The following C12orf42 variants were observed in gnomAD, a reference collection of about 807,000 sequenced individuals.
C12orf42 encodes the protein chromosome 12 open reading frame 42, also known as uncharacterized protein C12orf42.
C12orf42 carries 25 observed loss-of-function variants against 21.6 expected under a neutral mutation model. The observed-to-expected ratio is 1.16, with a 90% CI of 0.84 to 1.62. The LOEUF is 1.62. Ranked by LOEUF, C12orf42 falls within the 40% of genes most tolerant of loss-of-function variation. The probability of loss-of-function intolerance (pLI) is 0.00; values close to 1 mark genes in which losing one functional copy is unlikely to be tolerated. For missense variants in C12orf42, 483 were observed against 459.3 expected (o/e 1.05, Z -0.47); for synonymous variants, 174 against 175.0 (o/e 0.99, Z 0.05).
chr12:103,404,439 T>A (rs1287860928), intron 2 of C12orf42, among the ~76,000 whole-genome samples: 1 of 152,256 alleles, frequency 6.6e-6, no homozygotes, highest in Non-Finnish European at 1.5e-5. Context: ...GCATTAGGCA[T>A]TCATTAACAA....
intron 2 of C12orf42, among the ~76,000 whole-genome samples, chr12:103,414,402 T>C (rs1410698512): frequency 6.6e-6 from 1 of 152,168 alleles, no homozygotes; most frequent in Admixed American, 6.5e-5. Context: ...CCCAGATGCA[T>C]AGAATCATTT....
chr12:103,468,632 G>T (rs1479776420), intron 2 of C12orf42, among the ~76,000 whole-genome samples: 2 of 151,688 alleles, frequency 1.3e-5, no homozygotes, highest in Non-Finnish European at 2.9e-5. Context: ...AGCGACTTTA[G>T]AATTCTCTCC....
intron 1 of C12orf42, 136 bp from the exon 2 acceptor site, chr12:103,478,583 ATTTTT>A (rs3065865): frequency 2.0e-3 from 564 of 279,538 alleles, no homozygotes; most frequent in South Asian, 3.7e-3. Context: ...ACTTTCAATA[ATTTTT>A]TTTTTTTTTT....
At chr12:103,083,657 T>C in the C12orf42 span, among the ~76,000 whole-genome samples, 1,610 of 152,342 alleles carry the variant, frequency 0.011, 14 homozygotes, top group Non-Finnish European at 0.018. Context: ...GGTAGTTTCA[T>C]ATAAAAAACT....
intron 2 of C12orf42, among the ~76,000 whole-genome samples, chr12:103,422,409 G>A (rs1485990093): frequency 2.0e-5 from 3 of 152,200 alleles, no homozygotes; most frequent in Non-Finnish European, 4.4e-5. Context: ...ACTCTGGCCT[G>A]TGAGTTGAGA....
chr12:103,067,608 C>T, the C12orf42 span, among the ~76,000 whole-genome samples: 6 of 152,280 alleles, frequency 3.9e-5, no homozygotes, highest in Admixed American at 1.3e-4. Context: ...GCACCACTCA[C>T]CATCATCCCT....
the C12orf42 span, among the ~76,000 whole-genome samples, chr12:103,049,789 C>A: frequency 6.6e-6 from 1 of 152,164 alleles, no homozygotes; most frequent in East Asian, 1.9e-4. Flanking sequence ...GAATGCCTTT[C>A]CCCTAGGTAA....
intron 2 of C12orf42, 34 bp downstream of exon 2, chr12:103,478,315 A>C (rs763417097): frequency 4.8e-6 from 7 of 1,452,612 alleles, no homozygotes; most frequent in African/African-American, 2.8e-5. Flanking sequence ...TAACCTAAAA[A>C]AAGTAAGAAA....
the C12orf42 span, among the ~76,000 whole-genome samples, chr12:103,517,981 G>A: frequency 6.6e-6 from 1 of 152,042 alleles, no homozygotes; most frequent in Non-Finnish European, 1.5e-5. Context: ...TTAACATCAT[G>A]AATCAGAAAG....
At chr12:103,513,001 CAA>C in the C12orf42 span, among the ~76,000 whole-genome samples, 50 of 123,818 alleles carry the variant, frequency 4.0e-4, no homozygotes, top group African/African-American at 6.4e-4. Flanking sequence ...GACTCCATAT[CAA>C]AAAAAAAAAA....
At chr12:103,158,090 C>A in the C12orf42 span, among the ~76,000 whole-genome samples, 2 of 152,032 alleles carry the variant, frequency 1.3e-5, no homozygotes, top group African/African-American at 4.8e-5. Context: ...GGTAAGAATG[C>A]CAATCATAAA....
At chr12:103,451,009 A>G (rs912131018) in intron 2 of C12orf42, among the ~76,000 whole-genome samples, 1 of 152,048 alleles carries the variant, frequency 6.6e-6, no homozygotes, top group Admixed American at 6.6e-5. Context: ...TTATACGCAC[A>G]GTTGTTTTCA....
At chr12:103,534,791 C>T in the C12orf42 span, among the ~76,000 whole-genome samples, 5 of 152,084 alleles carry the variant, frequency 3.3e-5, no homozygotes, top group Admixed American at 6.5e-5. Context: ...GTTTGTATAG[C>T]CAACAGCCTG....
At chr12:103,082,974 G>C in the C12orf42 span, among the ~76,000 whole-genome samples, 1 of 152,200 alleles carries the variant, frequency 6.6e-6, no homozygotes, top group Non-Finnish European at 1.5e-5. Context: ...GGAGTTTCAG[G>C]AAGAGCTTTA....
At chr12:103,499,628 A>G (rs1006686086), upstream of C12orf42, among the ~76,000 whole-genome samples, 3 of 152,236 alleles carry the variant, frequency 2.0e-5, no homozygotes, top group African/African-American at 7.2e-5. Context: ...TTTCAACAGC[A>G]GCACACTTGT....
intron 2 of C12orf42, among the ~76,000 whole-genome samples, chr12:103,442,135 C>T (rs1201078712): frequency 6.6e-6 from 1 of 152,036 alleles, no homozygotes. Context: ...CAGAGAAAGG[C>T]TCCATCTCAA....
chr12:103,493,596 A>G (rs1240375203), intron 1 of C12orf42, among the ~76,000 whole-genome samples: 1 of 151,420 alleles, frequency 6.6e-6, no homozygotes, highest in East Asian at 1.9e-4. Context: ...ACCAAAGGGA[A>G]CCTCCCTCAA....
the C12orf42 span, among the ~76,000 whole-genome samples, chr12:103,096,314 C>A: frequency 6.6e-6 from 1 of 151,758 alleles, no homozygotes; most frequent in Non-Finnish European, 1.5e-5. Flanking sequence ...AATTTTTTTT[C>A]AATTTAGGTG....
intron 4 of C12orf42, among the ~76,000 whole-genome samples, chr12:103,346,770 C>A (rs572657250): frequency 6.6e-6 from 1 of 152,162 alleles, no homozygotes; most frequent in African/African-American, 2.4e-5. Context: ...GTGCTGTTGG[C>A]CCTGTGGATT....
Sources: allele counts gnomAD v4.1 joint callset (sites outside exome capture counted in the v4.1 genomes callset), GRCh38; gene constraint gnomAD v4.1.1; transcripts MANE v1.5; gene names NCBI Gene and HGNC (gene_info 2026-07-23, HGNC 2026-07-21).